UBE3D: variants seen among roughly 807,000 people sequenced by gnomAD.
The protein encoded by UBE3D is E3 ubiquitin-protein ligase E3D.
UBE3D carries 48 observed loss-of-function variants against 49.6 expected under a neutral mutation model. That is an observed-to-expected ratio of 0.97 (90% confidence interval 0.77 to 1.23). The LOEUF (loss-of-function observed/expected upper bound fraction) is 1.23, where lower values mean the gene tolerates loss of function less well. UBE3D is among the 50% of genes most tolerant of loss of function. The probability of loss-of-function intolerance (pLI) is 0.00; values close to 1 mark genes in which losing one functional copy is unlikely to be tolerated. For missense variants in UBE3D, 452 were observed against 468.4 expected, an observed-to-expected ratio of 0.96 and a Z score of 0.32; for synonymous variants, 189 against 174.2, an observed-to-expected ratio of 1.08 and a Z score of -0.67.
At chr6:82,942,492 G>C (rs1276001702) in intron 9 of UBE3D, among the ~76,000 whole-genome samples, 1 of 152,220 alleles carries the variant, frequency 6.6e-6, no homozygotes, top group Non-Finnish European at 1.5e-5. Context: ...GAGACCTTCA[G>C]GGCAGCCCCT....
chr6:82,944,820 T>C (rs944696465), intron 9 of UBE3D, among the ~76,000 whole-genome samples: 3 of 152,152 alleles, frequency 2.0e-5, no homozygotes, highest in Non-Finnish European at 4.4e-5. Context: ...CAGCGGTAGC[T>C]TGGCAGTACT....
chr6:83,052,903 G>A lies in UBE3D; in HGVS notation c.365+1245C>T, dbSNP rs202209274. 3.9e-5 allele frequency among the ~76,000 whole-genome samples: 6 copies of A among 152,220 alleles called. No individual in the cohort carries two copies. In the South Asian group the frequency reaches 6.2e-4, roughly 16 times the overall value. Reference sequence around the variant, plus strand: ...AATGGATGAGGAGTTGGCAACAAGTGTAATTAGGTGAACAAACAGTAGCCT... The same window carrying A: ...AATGGATGAGGAGTTGGCAACAAGTATAATTAGGTGAACAAACAGTAGCCT... On this transcript the variant is annotated intron_variant, in intron 3 of 9. Transcript: ENST00000369747.
intron 9 of UBE3D, among the ~76,000 whole-genome samples, chr6:82,898,678 G>A (rs544180362): frequency 6.6e-6 from 1 of 151,970 alleles, no homozygotes; most frequent in Non-Finnish European, 1.5e-5. Flanking sequence ...GGTCTGTTGG[G>A]GGGTAGGGGG....
At chr6:83,064,277 G>A (rs750294442) in intron 1 of UBE3D, among the ~76,000 whole-genome samples, 15 of 151,896 alleles carry the variant, frequency 9.9e-5, no homozygotes, top group South Asian at 2.1e-4. Flanking sequence ...AGGCTGAACT[G>A]CAGTGGCGCG....
intron 3 of UBE3D, among the ~76,000 whole-genome samples, chr6:83,044,948 G>C (rs1261245899): frequency 6.6e-6 from 1 of 152,126 alleles, no homozygotes; most frequent in Admixed American, 6.5e-5. Context: ...CATATCACAC[G>C]AAGTTTGAGA....
At chr6:83,062,004 A>C (rs1372479947) in intron 1 of UBE3D, among the ~76,000 whole-genome samples, 1 of 152,226 alleles carries the variant, frequency 6.6e-6, no homozygotes, top group Non-Finnish European at 1.5e-5. Flanking sequence ...TTCTCATTTG[A>C]AATAAAAGAT....
At chr6:82,910,555 A>T (rs1327053149) in intron 9 of UBE3D, among the ~76,000 whole-genome samples, 1 of 152,160 alleles carries the variant, frequency 6.6e-6, no homozygotes, top group Non-Finnish European at 1.5e-5. Context: ...TCTGCTCTGT[A>T]CTGCCTCACA....
intron 9 of UBE3D, among the ~76,000 whole-genome samples, chr6:82,916,684 C>A (rs1007328348): frequency 4.6e-5 from 7 of 152,172 alleles, no homozygotes; most frequent in African/African-American, 1.7e-4. Context: ...AGACAAATAA[C>A]ATCTACGTAC....
intron 9 of UBE3D, among the ~76,000 whole-genome samples, chr6:82,917,976 C>T (rs1773045867): frequency 6.6e-6 from 1 of 152,178 alleles, no homozygotes; most frequent in Admixed American, 6.6e-5. Context: ...TTGACAAACT[C>T]TCTGCTCTTA....
the UBE3D span, among the ~76,000 whole-genome samples, chr6:82,881,648 A>G: frequency 3.3e-5 from 5 of 152,100 alleles, no homozygotes; most frequent in African/African-American, 4.8e-5. Flanking sequence ...TCACTTCTCT[A>G]CTGCTTTTTC....
chr6:83,045,340 A>C (rs904995851), intron 3 of UBE3D, among the ~76,000 whole-genome samples: 6 of 152,206 alleles, frequency 3.9e-5, no homozygotes, highest in African/African-American at 1.4e-4. Flanking sequence ...AGTAATAGGT[A>C]AAAGTATTTT....
chr6:82,927,711 T>G (rs1311096095), intron 9 of UBE3D, among the ~76,000 whole-genome samples: 3 of 151,850 alleles, frequency 2.0e-5, no homozygotes, highest in East Asian at 1.9e-4. Flanking sequence ...ATATTAACTT[T>G]GTATCCTACA....
chr6:82,921,815 A>G (rs1391664682), intron 9 of UBE3D, among the ~76,000 whole-genome samples: 1 of 152,198 alleles, frequency 6.6e-6, no homozygotes, highest in African/African-American at 2.4e-5. Context: ...TCATAAAATC[A>G]CTAAATATGT....
At chr6:82,994,081 G>A (rs569737101) in intron 8 of UBE3D, among the ~76,000 whole-genome samples, 1 of 152,244 alleles carries the variant, frequency 6.6e-6, no homozygotes, top group Non-Finnish European at 1.5e-5. Flanking sequence ...AATAATCATA[G>A]GGCCTAAAAT....
chr6:83,057,458 A>G (rs1405580234), intron 2 of UBE3D, among the ~76,000 whole-genome samples: 1 of 152,228 alleles, frequency 6.6e-6, no homozygotes. Context: ...TGAATGAATA[A>G]ATTTCCATGT....
intron 8 of UBE3D, among the ~76,000 whole-genome samples, chr6:83,001,369 T>G (rs191719885): frequency 1.3e-5 from 2 of 152,374 alleles, no homozygotes; most frequent in African/African-American, 4.8e-5. Context: ...AAGTATTTGC[T>G]GAACGAATCA....
intron 8 of UBE3D, among the ~76,000 whole-genome samples, chr6:83,011,255 A>C (rs777300172): frequency 6.6e-6 from 1 of 152,242 alleles, no homozygotes; most frequent in Non-Finnish European, 1.5e-5. Flanking sequence ...TGTTTTTAAC[A>C]AAAGGAGAAG....
the UBE3D span, among the ~76,000 whole-genome samples, chr6:82,887,339 GGAGA>G: frequency 1.4e-5 from 2 of 146,192 alleles, no homozygotes; most frequent in Non-Finnish European, 3.0e-5. Flanking sequence ...AAAAAAAAAG[GGAGA>G]GAGAGAAAAA....
intron 5 of UBE3D, among the ~76,000 whole-genome samples, chr6:83,030,209 T>TA (rs375937584): frequency 3.3e-4 from 49 of 148,566 alleles, no homozygotes; most frequent in East Asian, 9.9e-4. Flanking sequence ...TAATTAAAAT[T>TA]AAAAAAAAAA....
Sources: gnomAD v4.1 joint callset for allele counts (sites outside exome capture counted in the v4.1 genomes callset) on GRCh38, gnomAD v4.1.1 for gene constraint, MANE v1.5 for transcripts, NCBI Gene and HGNC (gene_info 2026-07-23, HGNC 2026-07-21) for gene names.